KAZN: variants seen among roughly 807,000 people sequenced by gnomAD.
KAZN encodes kazrin.
KAZN carries 40 observed loss-of-function variants against 87.4 expected under a neutral mutation model. The observed-to-expected ratio is 0.46, with a 90% CI of 0.36 to 0.60. The LOEUF (loss-of-function observed/expected upper bound fraction) is 0.60. KAZN is among the 20% of genes least tolerant of loss of function. The pLI, the probability that KAZN is intolerant of heterozygous loss-of-function variation, is 0.00. For synonymous variants in KAZN, 466 were observed against 458.3 expected (o/e 1.02, Z -0.22); for missense variants, 898 against 1,073.9 (o/e 0.84, Z 2.29).
intron 1 of KAZN, among the ~76,000 whole-genome samples, chr1:14,629,563 C>T (rs566934727): frequency 5.3e-5 from 8 of 152,322 alleles, no homozygotes; most frequent in South Asian, 2.1e-4. Context: ...TTGCTCCCTC[C>T]GGTTTCCTCT....
chr1:14,196,868 G>C (rs528637768), intron 2 of KAZN, among the ~76,000 whole-genome samples: 5 of 152,226 alleles, frequency 3.3e-5, no homozygotes, highest in African/African-American at 1.2e-4. Flanking sequence ...CAAAGACTGA[G>C]ATGGAGCAGC....
At chr1:14,348,051 A>ATCT (rs1658242252) in intron 2 of KAZN, among the ~76,000 whole-genome samples, 1 of 117,870 alleles carries the variant, frequency 8.5e-6, no homozygotes, top group Admixed American at 1.0e-4. Context: ...CACCTGGCTA[A>ATCT]TTTTTTTTTT....
chr1:14,010,535 C>G (rs1021254371), intron 1 of KAZN, among the ~76,000 whole-genome samples: 12 of 152,196 alleles, frequency 7.9e-5, no homozygotes, highest in Admixed American at 7.2e-4. Context: ...GTCTTGCAAT[C>G]CTTTGCAGCC....
chr1:14,753,964 G>A (rs1424095447), intron 1 of KAZN, among the ~76,000 whole-genome samples: 1 of 152,252 alleles, frequency 6.6e-6, no homozygotes, highest in Non-Finnish European at 1.5e-5. Flanking sequence ...GTGAGTGAAG[G>A]GGAAGAGGGT....
intron 1 of KAZN, among the ~76,000 whole-genome samples, chr1:14,853,191 A>T (rs78000149): frequency 0.015 from 2,244 of 152,238 alleles, 26 homozygotes; most frequent in East Asian, 0.026. Context: ...TCCCCCAGGG[A>T]TCTGCGGTTG....
At chr1:15,103,827 C>T (rs934882687) in intron 12 of KAZN, among the ~76,000 whole-genome samples, 196 bp from the exon 13 acceptor site, 2 of 152,136 alleles carry the variant, frequency 1.3e-5, no homozygotes, top group African/African-American at 4.8e-5. Context: ...GGGTCAGGGA[C>T]CATCTCAGTA....
intron 2 of KAZN, among the ~76,000 whole-genome samples, chr1:14,374,273 C>T (rs1036458896): frequency 6.6e-6 from 1 of 152,176 alleles, no homozygotes; most frequent in Non-Finnish European, 1.5e-5. Context: ...GCAGTTATGA[C>T]AGCACTCAAG....
At chr1:13,963,496 AC>A (rs1333209886) in intron 1 of KAZN, among the ~76,000 whole-genome samples, 1 of 152,136 alleles carries the variant, frequency 6.6e-6, no homozygotes, top group Non-Finnish European at 1.5e-5. Context: ...ACCTAAGAAG[AC>A]AGCATCTTCT....
intron 13 of KAZN, among the ~76,000 whole-genome samples, chr1:15,110,363 TGTGTATATGTA>T (rs980543985): frequency 2.8e-5 from 4 of 144,272 alleles, no homozygotes; most frequent in African/African-American, 1.0e-4. Flanking sequence ...TGTGTGTATG[TGTGTATATGTA>T]GTGTGTATTT....
chr1:14,357,614 TGA>T (rs1315081236), intron 2 of KAZN, among the ~76,000 whole-genome samples: 1 of 152,208 alleles, frequency 6.6e-6, no homozygotes, highest in Non-Finnish European at 1.5e-5. Context: ...CCTAGTTTAT[TGA>T]GAGTTTTTAG....
chr1:14,496,374 A>G (rs1669942313), intron 2 of KAZN, among the ~76,000 whole-genome samples: 1 of 152,108 alleles, frequency 6.6e-6, no homozygotes, highest in African/African-American at 2.4e-5. Context: ...GGAATAACTT[A>G]TGTGTTGTTG....
chr1:13,915,480 T>C (rs1295299164), intron 1 of KAZN, among the ~76,000 whole-genome samples: 2 of 152,230 alleles, frequency 1.3e-5, no homozygotes, highest in African/African-American at 4.8e-5. Context: ...TTGGGGCCCA[T>C]GAACGTCATA....
At chr1:14,854,835 T>A (rs943434149) in intron 1 of KAZN, among the ~76,000 whole-genome samples, 1 of 152,130 alleles carries the variant, frequency 6.6e-6, no homozygotes, top group African/African-American at 2.4e-5. Context: ...GAAGTATCTC[T>A]TTGATAAAGT....
At chr1:14,341,283 T>C (rs1657707010) in intron 2 of KAZN, among the ~76,000 whole-genome samples, 1 of 152,350 alleles carries the variant, frequency 6.6e-6, no homozygotes, top group East Asian at 1.9e-4. Flanking sequence ...GAAATGATGA[T>C]GATGATCTCA....
At chr1:14,267,160 A>C (rs2100669755) in intron 2 of KAZN, among the ~76,000 whole-genome samples, 1 of 151,956 alleles carries the variant, frequency 6.6e-6, no homozygotes, top group Admixed American at 6.6e-5. Context: ...TTTGAAAATA[A>C]AAATATAACT....
At chr1:14,636,519 C>T (rs570729734) in intron 1 of KAZN, among the ~76,000 whole-genome samples, 14 of 152,280 alleles carry the variant, frequency 9.2e-5, no homozygotes, top group Non-Finnish European at 1.8e-4. Flanking sequence ...GTGACAGCAG[C>T]GGCTGACACG....
intron 2 of KAZN, among the ~76,000 whole-genome samples, chr1:14,426,825 C>G (rs1353830058): frequency 6.6e-6 from 1 of 152,134 alleles, no homozygotes; most frequent in African/African-American, 2.4e-5. Flanking sequence ...TGGGCTGCTT[C>G]TGATCACACC....
chr1:14,436,734 A>AAAAAAAAAAACAAAAAC (rs563539375), intron 2 of KAZN, among the ~76,000 whole-genome samples: 29 of 137,396 alleles, frequency 2.1e-4, no homozygotes, highest in African/African-American at 6.5e-4. Context: ...AAAAAAAAAA[A>AAAAAAAAAAACAAAAAC]AAAACCTTAA....
At chr1:14,076,237 C>T (rs189788191) in intron 1 of KAZN, among the ~76,000 whole-genome samples, 24 of 151,928 alleles carry the variant, frequency 1.6e-4, no homozygotes, top group Admixed American at 2.6e-4. Context: ...GCCGAGATCA[C>T]GTCACTGCAC....
Sources: allele counts gnomAD v4.1 joint callset (sites outside exome capture counted in the v4.1 genomes callset), GRCh38; gene constraint gnomAD v4.1.1; transcripts MANE v1.5; gene names NCBI Gene and HGNC (gene_info 2026-07-23, HGNC 2026-07-21).